PLCB1: variants seen among roughly 807,000 people sequenced by gnomAD.
The protein encoded by PLCB1 is 1-phosphatidylinositol 4,5-bisphosphate phosphodiesterase beta-1.
A neutral mutation model predicts 161.8 loss-of-function variants in PLCB1; 46 were observed. The observed-to-expected ratio is 0.28, with a 90% CI of 0.22 to 0.36. The LOEUF is 0.36. Among genes scored for constraint, PLCB1 ranks in the 10% least tolerant of loss-of-function variants. The pLI, the probability that PLCB1 is intolerant of heterozygous loss-of-function variation, is 1.00. For synonymous variants in PLCB1, 517 were observed against 503.7 expected (o/e 1.03, Z -0.35); for missense variants, 1,016 against 1,472.5 (o/e 0.69, Z 5.07).
chr20:8,722,237 A>T, intron 14 of PLCB1, 117 bp from the exon 15 acceptor site: 2 of 687,678 alleles, frequency 2.9e-6, no homozygotes, highest in Non-Finnish European at 4.8e-6. Flanking sequence ...AAATAATTTT[A>T]AACAGCCCAA....
In PLCB1 at chr20:8,706,179, A is replaced by G. The variant is rs1395266925; in HGVS notation, c.1168-2491A>G. Among the ~76,000 whole-genome samples the G allele has an allele frequency of 2.0e-5, 3 of 152,224 alleles. No individual in the cohort carries two copies. In the East Asian group the frequency reaches 5.8e-4, roughly 29 times the overall value. Reference sequence around the variant, plus strand: ...CCACATCTATGATATCACTGGACTCATGGGAGAAGAGAAAGAGAAATGGCT... The same window carrying G: ...CCACATCTATGATATCACTGGACTCGTGGGAGAAGAGAAAGAGAAATGGCT... On this transcript the variant is annotated intron_variant, in intron 11 of 31. Transcript: ENST00000338037.
intron 3 of PLCB1, among the ~76,000 whole-genome samples, chr20:8,549,345 G>T (rs915519118): frequency 3.9e-5 from 6 of 152,060 alleles, no homozygotes; most frequent in Admixed American, 2.6e-4. Flanking sequence ...ATTAACAGAG[G>T]ACTAGTTCAG....
chr20:8,741,653 A>C, intron 23 of PLCB1, 80 bp downstream of exon 23: 1 of 835,552 alleles, frequency 1.2e-6, no homozygotes, highest in African/African-American at 1.7e-5. Flanking sequence ...AAGTAATATC[A>C]CATACCTTGG....
intron 3 of PLCB1, among the ~76,000 whole-genome samples, chr20:8,538,412 C>T (rs2327073): frequency 0.63 from 96,207 of 151,868 alleles, 31,187 homozygotes; most frequent in African/African-American, 0.77. Flanking sequence ...AGTGTTGCAA[C>T]CATGGCTCAC....
intron 3 of PLCB1, among the ~76,000 whole-genome samples, chr20:8,515,502 A>G (rs968326092): frequency 7.2e-5 from 11 of 152,262 alleles, no homozygotes; most frequent in Middle Eastern, 3.4e-3. Context: ...ATCCCATACA[A>G]TTATTCAAAC....
intron 2 of PLCB1, among the ~76,000 whole-genome samples, chr20:8,204,704 G>A (rs368336683): frequency 3.3e-5 from 5 of 152,190 alleles, no homozygotes; most frequent in Non-Finnish European, 5.9e-5. Context: ...CTGCAGAACC[G>A]TGAGCCAATT....
intron 31 of PLCB1, among the ~76,000 whole-genome samples, chr20:8,861,728 C>CAA (rs35862889): frequency 0.017 from 1,838 of 107,940 alleles, 58 homozygotes; most frequent in African/African-American, 0.059. Context: ...GACTCTACCT[C>CAA]AAAAAAAAAA....
chr20:8,142,914 T>A lies in PLCB1; in HGVS notation c.100-7380T>A, dbSNP rs572384421. Among the ~76,000 whole-genome samples, 2 of 152,310 alleles carry A rather than the reference T, an allele frequency of 1.3e-5. 1 individual carries two copies. The highest frequency in any genetic ancestry group is 4.8e-5 in the African/African-American group (2 of 41,562). On this transcript the variant is annotated intron_variant, in intron 1 of 31. Transcript: ENST00000338037. ...AATGTACTTGGGCCACCTCCATTAT[T>A]CCAGCTGCCCTCCTGCCCCTGAGAA...
At chr20:8,423,959 C>A (rs1012672833) in intron 3 of PLCB1, among the ~76,000 whole-genome samples, 1 of 152,144 alleles carries the variant, frequency 6.6e-6, no homozygotes, top group African/African-American at 2.4e-5. Context: ...AATACATGCA[C>A]AAGAGCTTGA....
chr20:8,463,717 C>T (rs1981691208), intron 3 of PLCB1, among the ~76,000 whole-genome samples: 1 of 152,030 alleles, frequency 6.6e-6, no homozygotes, highest in Non-Finnish European at 1.5e-5. Context: ...GAAATTTTGG[C>T]TTGTATACGT....
intron 27 of PLCB1, among the ~76,000 whole-genome samples, chr20:8,783,580 T>A (rs1018817598): frequency 2.6e-5 from 4 of 152,214 alleles, no homozygotes; most frequent in Non-Finnish European, 5.9e-5. Flanking sequence ...TTCTTTTGAT[T>A]GCAAGCCACA....
intron 16 of PLCB1, 32 bp from the exon 17 acceptor site, chr20:8,727,277 C>A (rs200522733): frequency 9.7e-7 from 1 of 1,033,766 alleles, no homozygotes; most frequent in South Asian, 1.3e-5. Context: ...TTCTCACCTT[C>A]CCCTTTTTTG....
chr20:8,295,334 A>G (rs1489724808), intron 2 of PLCB1, among the ~76,000 whole-genome samples: 3 of 152,198 alleles, frequency 2.0e-5, no homozygotes, highest in Non-Finnish European at 4.4e-5. Flanking sequence ...ATTTATAACA[A>G]AATAATATTA....
intron 4 of PLCB1, among the ~76,000 whole-genome samples, chr20:8,632,900 G>A (rs1161363265): frequency 6.6e-6 from 1 of 152,114 alleles, no homozygotes; most frequent in African/African-American, 2.4e-5. Flanking sequence ...TGAGTGAGAT[G>A]GAAGCCCCGA....
intron 3 of PLCB1, among the ~76,000 whole-genome samples, chr20:8,402,815 A>T (rs1472154848): frequency 6.6e-6 from 1 of 152,116 alleles, no homozygotes; most frequent in Admixed American, 6.5e-5. Flanking sequence ...ACTGCACTCC[A>T]GCCTGGGCAA....
intron 9 of PLCB1, among the ~76,000 whole-genome samples, chr20:8,664,219 G>A (rs1989754614): frequency 6.6e-6 from 1 of 151,888 alleles, no homozygotes; most frequent in Admixed American, 6.6e-5. Context: ...TTTTTATAAG[G>A]TATACTATAC....
intron 2 of PLCB1, among the ~76,000 whole-genome samples, chr20:8,223,573 T>C (rs915731020): frequency 2.6e-5 from 4 of 152,180 alleles, no homozygotes; most frequent in African/African-American, 9.6e-5. Context: ...TTTGCTTTTG[T>C]TGAATTAAGT....
In PLCB1 at chr20:8,622,846, T is replaced by C. The variant is rs551855766; in HGVS notation, c.247-5448T>C. On this transcript the variant is annotated intron_variant, in intron 3 of 31. Transcript: ENST00000338037. ...TATTGCAACCTGGGAAACTATTAGA[T>C]TGGTGCAAAAGTAATTGGGGTTTTG... 3.2e-4 allele frequency among the ~76,000 whole-genome samples: 48 copies of C among 152,290 alleles called. No homozygotes were observed. In the East Asian group the frequency reaches 8.3e-3, roughly 26 times the overall value.
intron 3 of PLCB1, among the ~76,000 whole-genome samples, chr20:8,425,131 T>G (rs954171412): frequency 2.4e-4 from 7 of 28,850 alleles, no homozygotes; most frequent in African/African-American, 4.1e-4. Context: ...TTCTGAGGTG[T>G]TTTTTTTTTT....
Sources: allele counts gnomAD v4.1 joint callset (sites outside exome capture counted in the v4.1 genomes callset), GRCh38; gene constraint gnomAD v4.1.1; transcripts MANE v1.5; gene names NCBI Gene and HGNC (gene_info 2026-07-23, HGNC 2026-07-21).